CBX3: variants seen among roughly 807,000 people sequenced by gnomAD.
CBX3 encodes the protein chromobox 3.
CBX3 carries 5 observed loss-of-function variants against 22.6 expected under a neutral mutation model. The ratio of observed to expected loss-of-function variants is 0.22; its 90% CI spans 0.12 to 0.47. The LOEUF is 0.47. CBX3 is among the 20% of genes least tolerant of loss of function. The pLI, the probability that CBX3 is intolerant of heterozygous loss-of-function variation, is 0.99. For missense variants in CBX3, 83 were observed against 208.1 expected (o/e 0.40, Z 3.70); for synonymous variants, 50 against 66.6 (o/e 0.75, Z 1.21).
chr7:26,208,596 A>C, intron 4 of CBX3, 41 bp downstream of exon 4: 1 of 1,527,088 alleles, frequency 6.5e-7, no homozygotes, highest in Non-Finnish European at 8.9e-7. Flanking sequence ...CCTTTTGTAA[A>C]AGGTTGATGG....
Position 26,211,762 on chromosome 7 carries a change from T to A in CBX3, c.425+6T>A, listed in dbSNP as rs1382851258. On this transcript the variant is annotated splice_donor_region_variant and intron_variant, in intron 5 of 5. Coordinates refer to ENST00000396386, the MANE Select transcript of CBX3 (RefSeq NM_016587.4). Reference sequence around the variant, plus strand: ...TTGATGTTTCTCATGAAATGGTGAGTATGCAGAGATTGTTACATTTGAAAG... The same window carrying A: ...TTGATGTTTCTCATGAAATGGTGAGAATGCAGAGATTGTTACATTTGAAAG... 5 of 1,537,368 alleles carry A rather than the reference T, an allele frequency of 3.3e-6. No individual in the cohort carries two copies. The highest frequency in any genetic ancestry group is 1.8e-6 in the Non-Finnish European group (2 of 1,127,844).
chr7:26,205,292 A>G (rs1330577785), intron 2 of CBX3, among the ~76,000 whole-genome samples: 1 of 152,190 alleles, frequency 6.6e-6, no homozygotes, highest in Admixed American at 6.5e-5. Context: ...AAATAGTGTC[A>G]TACCAAAGAA....
Position 26,212,326 on chromosome 7 carries a change from T to G in CBX3, c.*118T>G. On this transcript the variant is annotated 3_prime_UTR_variant, in exon 6 of 6. Coordinates refer to ENST00000396386, the MANE Select transcript of CBX3 (RefSeq NM_016587.4). ...CTAATGAAAATCAAGTTTGATATGT[T>G]TGTTTTGAAAGTAGCGTTGGAAGAG... 1.5e-6 allele frequency: 1 copy of G among 670,134 alleles called. No individual in the cohort carries two copies. Among genetic ancestry groups the G allele is most frequent in the Non-Finnish European group, 2.0e-6 (1 of 497,732 alleles). The allele number at this position is 670,134 out of a possible 1,614,324, so 41.5% of individuals were successfully genotyped here.
At chr7:26,207,123 C>G (rs1213255887) in intron 3 of CBX3, among the ~76,000 whole-genome samples, 2 of 152,190 alleles carry the variant, frequency 1.3e-5, no homozygotes, top group African/African-American at 4.8e-5. Flanking sequence ...CCTTACACCA[C>G]AAAGCTCCAT....
chr7:26,205,377 A>G (rs894904475), intron 2 of CBX3, among the ~76,000 whole-genome samples: 4 of 152,090 alleles, frequency 2.6e-5, no homozygotes, highest in African/African-American at 9.7e-5. Flanking sequence ...GATTTTTTTC[A>G]CCTTAGGGAA....
At chr7:26,203,407 C>T (rs539481375) in intron 2 of CBX3, among the ~76,000 whole-genome samples, 1 of 152,144 alleles carries the variant, frequency 6.6e-6, no homozygotes, top group South Asian at 2.1e-4. Context: ...TCATTAAAGC[C>T]CAATTTAAAG....
At chr7:26,209,620 T>TA (rs1364137492) in intron 4 of CBX3, among the ~76,000 whole-genome samples, 1 of 152,212 alleles carries the variant, frequency 6.6e-6, no homozygotes, top group Non-Finnish European at 1.5e-5. Flanking sequence ...TGATAATAGT[T>TA]AAACACTTTT....
intron 1 of CBX3, chr7:26,202,756 G>A: frequency 1.9e-6 from 1 of 518,630 alleles, no homozygotes; most frequent in Non-Finnish European, 3.4e-6. Context: ...TTAGGTACCA[G>A]GATCCCCAGT....
chr7:26,204,702 C>T (rs1433217342), intron 2 of CBX3, among the ~76,000 whole-genome samples: 1 of 152,124 alleles, frequency 6.6e-6, no homozygotes, highest in Non-Finnish European at 1.5e-5. Context: ...GTGTTCTTAA[C>T]TTTTTTCTGC....
At chr7:26,204,393 C>A (rs1374150966) in intron 2 of CBX3, among the ~76,000 whole-genome samples, 1 of 152,164 alleles carries the variant, frequency 6.6e-6, no homozygotes, top group Non-Finnish European at 1.5e-5. Context: ...CTTTGCTCCT[C>A]CCACCATTAT....
intron 3 of CBX3, among the ~76,000 whole-genome samples, chr7:26,206,825 T>G (rs888197674): frequency 6.6e-6 from 1 of 152,194 alleles, no homozygotes; most frequent in Admixed American, 6.5e-5. Flanking sequence ...TGCATTATTT[T>G]CCTCCACACA....
chr7:26,201,597 C>G (rs1283661402), upstream of CBX3: 4 of 150,708 alleles, frequency 2.7e-5, no homozygotes, highest in South Asian at 4.1e-4. Context: ...CCGCCCTCCC[C>G]CTAGGGCCCC....
At chr7:26,205,024 G>A (rs183586982) in intron 2 of CBX3, among the ~76,000 whole-genome samples, 1 of 152,072 alleles carries the variant, frequency 6.6e-6, no homozygotes. Context: ...CCTGACCTCA[G>A]ATGATCTGCC....
At chr7:26,208,281 C>T in intron 3 of CBX3, 112 bp from the exon 4 acceptor site, 1 of 759,082 alleles carries the variant, frequency 1.3e-6, no homozygotes, top group Non-Finnish European at 2.1e-6. Context: ...TTAGTATCTG[C>T]AGTACAGAGG....
At chr7:26,211,626 C>G (rs1562749160) in intron 4 of CBX3, 36 bp from the exon 5 acceptor site, 14 of 1,323,882 alleles carry the variant, frequency 1.1e-5, no homozygotes, top group Non-Finnish European at 1.5e-5. Context: ...ATTTAATACT[C>G]TGAGTTTGCT....
intron 3 of CBX3, 158 bp from the exon 4 acceptor site, chr7:26,208,235 C>T: frequency 2.0e-6 from 1 of 502,194 alleles, no homozygotes. Flanking sequence ...CGGAGGCAGG[C>T]TGGGGGGTGG....
chr7:26,206,491 A>C lies in CBX3; in HGVS notation c.148A>C (p.Lys50Gln). The C allele has an allele frequency of 6.2e-7, 1 of 1,613,854 alleles. No homozygotes were observed. The highest frequency in any genetic ancestry group is 8.5e-7 in the Non-Finnish European group (1 of 1,179,842). ...VVNGKVEYFL[K>Q]WKGFTDADNT... is the part of the protein sequence containing the mutation. ...GAATGGGAAAGTGGAATATTTCCTGAAGTGGAAGGGATTTACAGAGTAAGA... is the reference window on the plus strand; with the variant it reads ...GAATGGGAAAGTGGAATATTTCCTGCAGTGGAAGGGATTTACAGAGTAAGA... Residue 50 changes from lysine (K) to glutamine (Q), a missense_variant, in exon 3 of 6, where the codon AAG (lysine) becomes CAG (glutamine). Lys to Gln is a moderately conservative substitution (Grantham distance 53). Around this residue, in one of 3 missense-constraint regions of CBX3, gnomAD observed 59 missense variants for 155.0 expected, o/e 0.38. Transcript: ENST00000396386.
In CBX3 at chr7:26,202,966, TC is replaced by T; in HGVS notation, c.-28-4del. ...ACTTACCTTAACTGTCATGCATTTTTCTAGTAATAGCTCTTCAAGTCTGCAA... is the reference window on the plus strand; with the variant it reads ...ACTTACCTTAACTGTCATGCATTTTTTAGTAATAGCTCTTCAAGTCTGCAA... On this transcript the variant is annotated splice_region_variant and splice_polypyrimidine_tract_variant and intron_variant, in intron 1 of 5. Transcript: ENST00000396386. 1 of 1,572,226 alleles carries T rather than the reference TC, an allele frequency of 6.4e-7. No homozygotes were observed. Among genetic ancestry groups the T allele is most frequent in the Non-Finnish European group, 8.7e-7 (1 of 1,149,582 alleles).
At position 26,203,125 on chromosome 7, in the gene CBX3, T is replaced by A. The variant is rs1019419340; in HGVS notation, c.24+103T>A. On this transcript the variant is annotated intron_variant, in intron 2 of 5. Transcript: ENST00000396386. Reference sequence around the variant, plus strand: ...TGGCTGAGAAATTTACATCCACATATTTCCCAGCTCTCCCAGTGTAAATTA... The same window carrying A: ...TGGCTGAGAAATTTACATCCACATAATTCCCAGCTCTCCCAGTGTAAATTA... 66 of 677,838 alleles carry A rather than the reference T, an allele frequency of 9.7e-5. No homozygotes were observed. The African/African-American group carries it at 1.1e-3, about 11-fold the overall frequency. The allele number at this position is 677,838 out of a possible 1,614,324, so 42.0% of individuals were successfully genotyped here.
Sources: gnomAD v4.1 joint callset for allele counts (sites outside exome capture counted in the v4.1 genomes callset) on GRCh38, gnomAD v4.1.1 for gene constraint, gnomAD v4.1.1 regional missense constraint, MANE v1.5 for transcripts, NCBI Gene and HGNC (gene_info 2026-07-23, HGNC 2026-07-21) for gene names.